Variants in ZNF536 observed in about 807,000 individuals in gnomAD.
ZNF536 encodes zinc finger protein 536.
A neutral mutation model predicts 84.5 loss-of-function variants in ZNF536; 13 were observed. The ratio of observed to expected loss-of-function variants is 0.15; its 90% confidence interval spans 0.10 to 0.24. The LOEUF is 0.24. Among genes scored for constraint, ZNF536 ranks in the 10% least tolerant of loss-of-function variants. The pLI is 1.00. For synonymous variants in ZNF536, 811 were observed against 742.5 expected (o/e 1.09, Z -1.50); for missense variants, 1,536 against 1,747.5 (o/e 0.88, Z 2.16).
chr19:30,591,395 A>G (rs2047272792), intron 1 of ZNF536, among the ~76,000 whole-genome samples: 2 of 152,204 alleles, frequency 1.3e-5, no homozygotes, highest in African/African-American at 4.8e-5. Flanking sequence ...CCTCACAATC[A>G]TGGCAGAAGG....
chr19:30,564,063 T>C (rs569783492), intron 1 of ZNF536, among the ~76,000 whole-genome samples: 1 of 150,376 alleles, frequency 6.6e-6, no homozygotes. Context: ...CAAGAGGGGG[T>C]GAATGGCTGA....
chr19:30,272,088 C>T (rs1033015145), intron 1 of ZNF536, among the ~76,000 whole-genome samples: 29 of 152,188 alleles, frequency 1.9e-4, no homozygotes, highest in Non-Finnish European at 2.6e-4. Flanking sequence ...TCCCAAGTCT[C>T]TAAGCACTGG....
At chr19:30,313,701 C>T (rs1347989402) in intron 2 of ZNF536, among the ~76,000 whole-genome samples, 1 of 152,200 alleles carries the variant, frequency 6.6e-6, no homozygotes, top group Non-Finnish European at 1.5e-5. Flanking sequence ...CTGTGGTTTC[C>T]AGCATCCCTG....
chr19:30,282,224 G>T (rs2045472084), intron 1 of ZNF536, among the ~76,000 whole-genome samples: 1 of 152,254 alleles, frequency 6.6e-6, no homozygotes, highest in Non-Finnish European at 1.5e-5. Context: ...CAGTGAGGCT[G>T]TACTCGTCAG....
chr19:30,284,569 C>T (rs191251859), intron 2 of ZNF536, among the ~76,000 whole-genome samples: 22 of 152,360 alleles, frequency 1.4e-4, no homozygotes, highest in African/African-American at 5.3e-4. Context: ...AATCCTGTCC[C>T]AAAGCTGCTC....
chr19:30,530,399 T>A (rs1488779118), intron 2 of ZNF536, among the ~76,000 whole-genome samples: 1 of 152,068 alleles, frequency 6.6e-6, no homozygotes, highest in Admixed American at 6.6e-5. Context: ...CAGGCTGGAG[T>A]GCAGCAGTAT....
chr19:30,304,168 T>A (rs989484138), intron 2 of ZNF536, among the ~76,000 whole-genome samples: 1 of 152,124 alleles, frequency 6.6e-6, no homozygotes, highest in African/African-American at 2.4e-5. Flanking sequence ...ACCTCCCCAC[T>A]ATCCCCTGGC....
At chr19:30,690,677 C>G (rs12462427) in intron 1 of ZNF536, among the ~76,000 whole-genome samples, 1 of 152,022 alleles carries the variant, frequency 6.6e-6, no homozygotes, top group Non-Finnish European at 1.5e-5. Flanking sequence ...TGGTTTCATA[C>G]CCAGCTGCCC....
At chr19:30,580,186 C>T (rs993879606) in intron 1 of ZNF536, among the ~76,000 whole-genome samples, 2 of 152,202 alleles carry the variant, frequency 1.3e-5, no homozygotes, top group Non-Finnish European at 2.9e-5. Flanking sequence ...GCCCCAATGG[C>T]CAACATTGGG....
chr19:30,566,585 G>T (rs570984391), intron 1 of ZNF536, among the ~76,000 whole-genome samples: 2 of 152,384 alleles, frequency 1.3e-5, no homozygotes, highest in South Asian at 4.1e-4. Context: ...AAACAACGGG[G>T]CTGAGATTCA....
At chr19:30,392,342 C>T (rs2049628671) in intron 1 of ZNF536, among the ~76,000 whole-genome samples, 1 of 152,122 alleles carries the variant, frequency 6.6e-6, no homozygotes, top group Non-Finnish European at 1.5e-5. Context: ...TTAGGAGCAG[C>T]CGCCAAAGGG....
At chr19:30,280,140 C>A (rs1253669693) in intron 1 of ZNF536, among the ~76,000 whole-genome samples, 1 of 152,116 alleles carries the variant, frequency 6.6e-6, no homozygotes, top group Non-Finnish European at 1.5e-5. Flanking sequence ...TCTGCACTTT[C>A]ATCCTTCCAT....
At position 30,563,262 on chromosome 19, in the gene ZNF536, G is replaced by A. The variant is rs368126916; in HGVS notation, c.169+13748G>A. Among the ~76,000 whole-genome samples the A allele has an allele frequency of 5.3e-5, 8 of 152,074 alleles. No homozygotes were observed. In the East Asian group the frequency reaches 1.4e-3, roughly 26 times the overall value. On this transcript the variant is annotated intron_variant, in intron 1 of 1. Coordinates refer to the ZNF536 transcript ENST00000592773. ...GGTCTCTTTCTGGATGGCCCATCTG[G>A]GATTCTTCCCATCCCTGGGGTGAAC...
intron 2 of ZNF536, among the ~76,000 whole-genome samples, chr19:30,466,579 A>AG (rs2053404273): frequency 8.9e-5 from 12 of 134,354 alleles, no homozygotes; most frequent in African/African-American, 3.4e-4. Context: ...AGAAAGAAAG[A>AG]AAGAAAGAGA....
chr19:30,443,419 T>A lies in ZNF536; in HGVS notation c.-2-142T>A, dbSNP rs191981650. ...ATTGGCATTTAATAATTCATTTTTT[T>A]ATTATTGTTTTTGACAAGAATTCCT... On this transcript the variant is annotated intron_variant, in intron 1 of 4. Transcript: ENST00000355537. 6 of 1,277,468 alleles carry A rather than the reference T, an allele frequency of 4.7e-6. No homozygotes were observed. The East Asian group carries it at 7.8e-5, about 17-fold the overall frequency. 79.1% of individuals were successfully genotyped at this position (1,277,468 alleles called of 1,614,324 possible). A position where few individuals can be genotyped will look rare whatever the true frequency, so the allele number is the denominator to read the frequency against.
At chr19:30,286,586 GAGAA>G (rs10589213) in intron 2 of ZNF536, among the ~76,000 whole-genome samples, 8,028 of 151,856 alleles carry the variant, frequency 0.053, 528 homozygotes, top group Admixed American at 0.16. Flanking sequence ...CAGACAGAGA[GAGAA>G]AGAGAGAGAG....
chr19:30,445,567 G>A lies in ZNF536; in HGVS notation c.2005G>A (p.Asp669Asn), dbSNP rs573832117. The A allele has an allele frequency of 1.9e-5, 30 of 1,613,416 alleles. No individual in the cohort carries two copies. In the African/African-American group the frequency reaches 3.7e-4, roughly 20 times the overall value. Reference protein sequence around the residue: ...GEEDGLHVGLDERRGSGSDQE... With the variant: ...GEEDGLHVGLNERRGSGSDQE... ...GGAGGATGGGCTGCACGTGGGCCTG[G>A]ATGAGCGGCGTGGCTCGGGCAGTGA... is the stretch of plus-strand genomic sequence containing the variant. Residue 669 changes from aspartate (D) to asparagine (N), a missense_variant, in exon 2 of 5, where the codon GAT becomes AAT. Coordinates refer to ENST00000355537, the MANE Select transcript of ZNF536 (RefSeq NM_014717.3). The surrounding 1 kb of genome is among the most constrained non-coding windows in gnomAD (Gnocchi z 4.5).
At chr19:30,313,275 G>T (rs146651760) in intron 2 of ZNF536, among the ~76,000 whole-genome samples, 32 of 152,262 alleles carry the variant, frequency 2.1e-4, no homozygotes, top group African/African-American at 7.5e-4. Context: ...GTGAGCTTTC[G>T]GGTCAAACCT....
intron 1 of ZNF536, among the ~76,000 whole-genome samples, chr19:30,246,167 G>C (rs2024262374): frequency 6.6e-6 from 1 of 152,130 alleles, no homozygotes; most frequent in Non-Finnish European, 1.5e-5. Context: ...TTGCAGAAGG[G>C]GGAAAGGACT....
Sources: gnomAD v4.1 joint callset for allele counts (sites outside exome capture counted in the v4.1 genomes callset) on GRCh38, gnomAD v4.1.1 for gene constraint, Gnocchi (gnomAD v3.1) non-coding constraint, MANE v1.5 for transcripts, NCBI Gene and HGNC (gene_info 2026-07-23, HGNC 2026-07-21) for gene names.